The following JMJD1C variants were observed in gnomAD, a reference collection of about 807,000 sequenced individuals.
JMJD1C encodes jumonji domain containing 1C.
Under a neutral mutation model 245.3 loss-of-function variants are expected in JMJD1C, and 31 were observed. The observed-to-expected ratio is 0.13, with a 90% confidence interval of 0.09 to 0.17. JMJD1C has a LOEUF of 0.17. Ranked by LOEUF, JMJD1C falls within the 10% of genes least tolerant of loss-of-function variation. JMJD1C has a pLI of 1.00. For missense variants in JMJD1C, 2,691 were observed against 3,000.2 expected (o/e 0.90, Z 2.41); for synonymous variants, 1,057 against 1,017.4 (o/e 1.04, Z -0.74).
chr10:63,239,957 G>C (rs549543785), intron 3 of JMJD1C, among the ~76,000 whole-genome samples: 24 of 152,066 alleles, frequency 1.6e-4, no homozygotes, highest in Non-Finnish European at 2.9e-4. Context: ...AATCCTTATT[G>C]ATCTTACACT....
chr10:63,223,229 GT>G (rs35485931), intron 3 of JMJD1C, among the ~76,000 whole-genome samples: 83,072 of 128,176 alleles, frequency 0.65, 26,571 homozygotes, highest in African/African-American at 0.76. Context: ...TTTCTGTGCT[GT>G]TTTTTTTTTT....
At chr10:63,487,645 GAT>G (rs1456840035) in intron 1 of JMJD1C, among the ~76,000 whole-genome samples, 1 of 152,218 alleles carries the variant, frequency 6.6e-6, no homozygotes, top group Non-Finnish European at 1.5e-5. Flanking sequence ...GAGTTAAGGT[GAT>G]AGACCACGAA....
intron 2 of JMJD1C, among the ~76,000 whole-genome samples, chr10:63,374,548 T>C (rs1946568144): frequency 1.3e-5 from 2 of 152,208 alleles, no homozygotes. Context: ...GAGATAGATT[T>C]TTGTGGCTTT....
intron 2 of JMJD1C, among the ~76,000 whole-genome samples, chr10:63,346,147 A>T (rs1943798967): frequency 6.6e-6 from 1 of 152,020 alleles, no homozygotes; most frequent in Non-Finnish European, 1.5e-5. Flanking sequence ...GCCTCAAGAG[A>T]TTCTCCTAAC....
At chr10:63,231,515 C>T (rs927141814) in intron 3 of JMJD1C, among the ~76,000 whole-genome samples, 5 of 152,112 alleles carry the variant, frequency 3.3e-5, no homozygotes, top group Non-Finnish European at 7.4e-5. Flanking sequence ...GGAAATAGGC[C>T]GGGCACAGTG....
intron 1 of JMJD1C, among the ~76,000 whole-genome samples, chr10:63,423,773 G>T (rs1332262747): frequency 6.6e-6 from 1 of 152,154 alleles, no homozygotes; most frequent in Non-Finnish European, 1.5e-5. Context: ...ATGTATGAAG[G>T]TTCCAATTTC....
At chr10:63,312,115 T>TG (rs1554883184) in intron 2 of JMJD1C, among the ~76,000 whole-genome samples, 4 of 132,634 alleles carry the variant, frequency 3.0e-5, no homozygotes, top group African/African-American at 1.1e-4. Flanking sequence ...TTTTTTTTTT[T>TG]TGTGTGTGTG....
intron 2 of JMJD1C, among the ~76,000 whole-genome samples, chr10:63,284,905 A>G (rs1342050758): frequency 2.5e-5 from 2 of 81,214 alleles, no homozygotes; most frequent in Non-Finnish European, 5.7e-5. Context: ...ACACACACAC[A>G]CATTCTCTCT....
chr10:63,254,180 C>T (rs999694710), intron 3 of JMJD1C, among the ~76,000 whole-genome samples: 11 of 151,594 alleles, frequency 7.3e-5, no homozygotes, highest in South Asian at 6.2e-4. Context: ...TACCCATATG[C>T]ACAACCAAAA....
At chr10:63,470,114 C>T (rs973178043), upstream of JMJD1C, among the ~76,000 whole-genome samples, 6 of 152,068 alleles carry the variant, frequency 3.9e-5, no homozygotes, top group African/African-American at 1.2e-4. Context: ...TTAGTACTAC[C>T]ACAACTGTAT....
intron 2 of JMJD1C, among the ~76,000 whole-genome samples, chr10:63,267,092 TACAAGG>T (rs1314423991): frequency 6.6e-6 from 1 of 152,184 alleles, no homozygotes; most frequent in African/African-American, 2.4e-5. Context: ...TGAATACTCT[TACAAGG>T]ACATGAGTAC....
intron 2 of JMJD1C, among the ~76,000 whole-genome samples, chr10:63,286,726 G>A (rs1858026012): frequency 6.6e-6 from 1 of 152,122 alleles, no homozygotes; most frequent in Non-Finnish European, 1.5e-5. Context: ...TTTTGCAGAA[G>A]ATATTTATTT....
intron 8 of JMJD1C, among the ~76,000 whole-genome samples, chr10:63,211,968 C>A (rs983657263): frequency 6.6e-6 from 1 of 150,850 alleles, no homozygotes; most frequent in Non-Finnish European, 1.5e-5. Context: ...AGGGCACATA[C>A]ATACAGTGGA....
chr10:63,245,173 AT>A (rs1390225858), intron 3 of JMJD1C, among the ~76,000 whole-genome samples: 1 of 150,652 alleles, frequency 6.6e-6, no homozygotes, highest in African/African-American at 2.4e-5. Context: ...ATTAAAAAAA[AT>A]TATGAGAGAA....
chr10:63,463,174 A>G (rs1169209730), intron 1 of JMJD1C, among the ~76,000 whole-genome samples: 6 of 151,942 alleles, frequency 3.9e-5, no homozygotes, highest in African/African-American at 1.5e-4. Context: ...ATATTTATTT[A>G]TTTATTTAGA....
intron 16 of JMJD1C, among the ~76,000 whole-genome samples, chr10:63,191,678 A>T (rs1167961706): frequency 6.6e-6 from 1 of 152,076 alleles, no homozygotes; most frequent in African/African-American, 2.4e-5. Flanking sequence ...ACTACAGCAA[A>T]GACAGGTAGA....
intron 2 of JMJD1C, among the ~76,000 whole-genome samples, chr10:63,280,316 G>A (rs1211848203): frequency 6.6e-6 from 1 of 152,138 alleles, no homozygotes; most frequent in African/African-American, 2.4e-5. Context: ...CTGGGAGACT[G>A]CGGTGGACGG....
intron 1 of JMJD1C, among the ~76,000 whole-genome samples, chr10:63,397,344 G>C (rs1948571862): frequency 6.6e-6 from 1 of 152,074 alleles, no homozygotes; most frequent in African/African-American, 2.4e-5. Context: ...CCCCCGGATA[G>C]CTGGGATTAC....
At chr10:63,286,482 A>G (rs992051785) in intron 2 of JMJD1C, among the ~76,000 whole-genome samples, 2 of 152,194 alleles carry the variant, frequency 1.3e-5, no homozygotes, top group Non-Finnish European at 2.9e-5. Flanking sequence ...TCCAGAACTT[A>G]GACCTTTTCT....
Sources: allele counts gnomAD v4.1 joint callset (sites outside exome capture counted in the v4.1 genomes callset), GRCh38; gene constraint gnomAD v4.1.1; transcripts MANE v1.5; gene names NCBI Gene and HGNC (gene_info 2026-07-23, HGNC 2026-07-21).